The following AHNAK variants were observed in gnomAD, a reference collection of about 807,000 sequenced individuals.
AHNAK encodes AHNAK nucleoprotein.
Under a neutral mutation model 37.8 loss-of-function variants are expected in AHNAK, and 23 were observed. The ratio of observed to expected loss-of-function variants is 0.61; its 90% CI spans 0.44 to 0.86. The LOEUF is 0.86. Among genes scored for constraint, AHNAK ranks in the 40% least tolerant of loss-of-function variants. The pLI is 0.00. For missense variants in AHNAK, 7,411 were observed against 7,319.4 expected (o/e 1.01, Z -0.46); for synonymous variants, 2,481 against 2,636.3 (o/e 0.94, Z 1.80).
rs1940361332 is a variant in AHNAK, at chr11:62,523,694, G to T, written c.10723C>A (p.Pro3575Thr). ...TTAGGGCCTTTGATATCAACCTCTGGCCCTTTCAGATCCCCTTCAAGTTTG... is the reference window on the plus strand; with the variant it reads ...TTAGGGCCTTTGATATCAACCTCTGTCCCTTTCAGATCCCCTTCAAGTTTG... ...LPKLEGDLKG[P>T]EVDIKGPKVD... The change falls in exon 5 of 5, where the codon CCA becomes ACA. Residue 3575 changes from proline (P) to threonine (T), a missense_variant. By Grantham distance (38) the Pro-to-Thr change is conservative. Transcript: ENST00000378024. 3.7e-6 allele frequency: 6 copies of T among 1,613,578 alleles called. No individual in the cohort carries two copies. In the South Asian group the frequency reaches 4.4e-5, roughly 12 times the overall value.
intron 1 of AHNAK, among the ~76,000 whole-genome samples, chr11:62,541,307 G>A (rs1941115967): frequency 6.6e-6 from 1 of 152,216 alleles, no homozygotes; most frequent in Non-Finnish European, 1.5e-5. Context: ...CCCATCCGTG[G>A]TAGGGAGGGT....
chr11:62,438,010 C>T (rs1201426187), intron 5 of AHNAK, among the ~76,000 whole-genome samples: 1 of 152,032 alleles, frequency 6.6e-6, no homozygotes, highest in Non-Finnish European at 1.5e-5. Context: ...GATCCTCCCA[C>T]CTCAGTCTCC....
chr11:62,453,282 G>A (rs1347927667), intron 5 of AHNAK, among the ~76,000 whole-genome samples: 5 of 151,550 alleles, frequency 3.3e-5, no homozygotes, highest in African/African-American at 7.3e-5. Flanking sequence ...TGCCTAACTC[G>A]TCATCAGCTT....
At chr11:62,486,374 GA>G (rs1367412628) in intron 5 of AHNAK, among the ~76,000 whole-genome samples, 5 of 152,148 alleles carry the variant, frequency 3.3e-5, no homozygotes, top group African/African-American at 1.2e-4. Flanking sequence ...TTGGGAGGCT[GA>G]GGCAGGAGAA....
chr11:62,527,322 T>C lies in AHNAK; in HGVS notation c.7095A>G (p.Pro2365=). 6.2e-7 allele frequency: 1 copy of C among 1,613,832 alleles called. No homozygotes were observed. Among genetic ancestry groups the C allele is most frequent in the East Asian group, 2.2e-5 (1 of 44,882 alleles). ...ADMPEVAVEG[P]NGKWKTPKFK... is the part of the protein sequence containing the mutation. ...ACTTAGGAGTTTTCCACTTGCCATT[T>C]GGGCCTTCCACAGCTACTTCTGGCA... Residue 2365 remains proline, a synonymous_variant, in exon 5 of 5, where the codon CCA becomes CCG. Coordinates refer to ENST00000378024, the MANE Select transcript of AHNAK (RefSeq NM_001620.3).
rs753436216 is a variant in AHNAK at position 62,530,357 on chromosome 11, C to T, written c.4060G>A (p.Val1354Met). The T allele has an allele frequency of 6.2e-7, 1 of 1,614,048 alleles. No individual in the cohort carries two copies. Among genetic ancestry groups the T allele is most frequent in the Non-Finnish European group, 8.5e-7 (1 of 1,180,006 alleles). Residue 1354 changes from valine (V) to methionine (M), a missense_variant, in exon 5 of 5, where the codon GTG becomes ATG. Physicochemically the swap from Val to Met is conservative, Grantham distance 21 (BLOSUM62 1). Coordinates refer to ENST00000378024, the MANE Select transcript of AHNAK (RefSeq NM_001620.3). ...GGCCCTTTAATGTCAACATCTGGCA[C>T]TTTCATTTCACCTTCTACCTCAGGC... is the stretch of plus-strand genomic sequence containing the variant. Reference protein sequence around the residue: ...SLPEVEGEMKVPDVDIKGPKV... With the variant: ...SLPEVEGEMKMPDVDIKGPKV...
intron 4 of AHNAK, among the ~76,000 whole-genome samples, chr11:62,496,896 A>G (rs73500235): frequency 6.9e-5 from 8 of 115,628 alleles, no homozygotes; most frequent in African/African-American, 5.7e-4. Context: ...AAGGAAGGAA[A>G]GAAAGAAAGA....
intron 1 of AHNAK, among the ~76,000 whole-genome samples, chr11:62,542,275 G>C (rs938172202): frequency 6.6e-6 from 1 of 151,974 alleles, no homozygotes; most frequent in African/African-American, 2.4e-5. Flanking sequence ...CCCTATGCCT[G>C]TTTACCTGGC....
chr11:62,478,159 C>A (rs1258593373), intron 5 of AHNAK, among the ~76,000 whole-genome samples: 2 of 152,172 alleles, frequency 1.3e-5, no homozygotes, highest in Non-Finnish European at 2.9e-5. Flanking sequence ...TTAGAATGGC[C>A]TCTCACCACC....
At chr11:62,506,269 T>C (rs1565217281) in intron 4 of AHNAK, among the ~76,000 whole-genome samples, 3 of 151,654 alleles carry the variant, frequency 2.0e-5, no homozygotes, top group Admixed American at 6.6e-5. Context: ...GCCAGTGGTC[T>C]GAGCTTGAGG....
Position 62,520,906 on chromosome 11 carries a change from C to T in AHNAK, c.13511G>A (p.Gly4504Asp). 6.2e-7 allele frequency: 1 copy of T among 1,614,154 alleles called. No homozygotes were observed. Among genetic ancestry groups the T allele is most frequent in the South Asian group, 1.1e-5 (1 of 91,080 alleles). The change falls in exon 5 of 5, where the codon GGT becomes GAT. Residue 4504 changes from glycine (G) to aspartate (D), a missense_variant. By Grantham distance (94) the Gly-to-Asp change is moderately conservative. Coordinates refer to ENST00000378024, the MANE Select transcript of AHNAK (RefSeq NM_001620.3). ...DIEGPEGKLK[G>D]PKFKMPDVHF... Reference sequence around the variant, plus strand: ...TACATCAGGCATCTTAAACTTGGGACCTTTGAGCTTCCCTTCAGGACCTTC... The same window carrying T: ...TACATCAGGCATCTTAAACTTGGGATCTTTGAGCTTCCCTTCAGGACCTTC...
chr11:62,527,473 G>C lies in AHNAK; in HGVS notation c.6944C>G (p.Pro2315Arg), dbSNP rs1200597506. 1.2e-6 allele frequency: 2 copies of C among 1,614,172 alleles called. No homozygotes were observed. Among genetic ancestry groups the C allele is most frequent in the Non-Finnish European group, 1.7e-6 (2 of 1,180,032 alleles). Residue 2315 changes from proline to arginine, a missense_variant, in exon 5 of 5, where the codon CCT (proline) becomes CGT (arginine). Transcript: ENST00000378024. ...MHFKTPKISM[P>R]DVDFNLKGPK... The stretch of plus-strand genomic sequence containing the variant: ...TCCCTTTAAATTGAAATCAACATCA[G>C]GCATGGAGATCTTGGGGGTCTTGAA...
rs1321334381 is a variant in AHNAK at position 62,524,323 on chromosome 11, T to C, written c.10094A>G (p.Gln3365Arg). Reference protein sequence around the residue: ...PKFNFSGSKVQTPEVDVKGKK... With the variant: ...PKFNFSGSKVRTPEVDVKGKK... Reference sequence around the variant, plus strand: ...ACCTTTGACATCCACTTCAGGTGTCTGAACTTTAGAGCCCGAAAAATTAAA... The same window carrying C: ...ACCTTTGACATCCACTTCAGGTGTCCGAACTTTAGAGCCCGAAAAATTAAA... The change falls in exon 5 of 5, where the codon CAG becomes CGG. Residue 3365 changes from glutamine to arginine, a missense_variant. Gln to Arg is a conservative substitution (Grantham distance 43, BLOSUM62 1). Transcript: ENST00000378024. The C allele has an allele frequency of 1.9e-6, 3 of 1,613,802 alleles. No individual in the cohort carries two copies. The highest frequency in any genetic ancestry group is 2.5e-6 in the Non-Finnish European group (3 of 1,179,946).
Position 62,524,500 on chromosome 11 carries a change from T to G in AHNAK, c.9917A>C (p.Lys3306Thr). ...AGAGACATCAACATCTCCCTTAAGC[T>G]TTGAGCCTTTCAAATTCAAGTCAAT... ...PEIDLNLKGS[K>T]LKGDVDVSGP... The change falls in exon 5 of 5, where the codon AAG becomes ACG. Residue 3306 changes from lysine (K) to threonine (T), a missense_variant. Transcript: ENST00000378024. 1 of 1,614,150 alleles carries G rather than the reference T, an allele frequency of 6.2e-7. No individual in the cohort carries two copies. Among genetic ancestry groups the G allele is most frequent in the Non-Finnish European group, 8.5e-7 (1 of 1,180,022 alleles).
chr11:62,521,325 T>G lies in AHNAK; in HGVS notation c.13092A>C (p.Pro4364=), dbSNP rs750313929. The change falls in exon 5 of 5, where the codon CCA becomes CCC. Residue 4364 remains proline, a synonymous_variant. Transcript: ENST00000378024. ...ACTTTGGACCCTTGAGTTTTGCATC[T>G]GGACCTTCGATACTGACATCAGGGG... is the stretch of plus-strand genomic sequence containing the variant. ...IDAPDVSIEG[P]DAKLKGPKFK... 1 of 1,613,728 alleles carries G rather than the reference T, an allele frequency of 6.2e-7. No individual in the cohort carries two copies. The highest frequency in any genetic ancestry group is 1.3e-5 in the African/African-American group (1 of 74,902).
In AHNAK at chr11:62,517,358, CT is replaced by C. The variant is rs1325408977; in HGVS notation, c.17058del (p.Ala5687GlnfsTer21). The C allele has an allele frequency of 5.6e-6, 9 of 1,614,218 alleles. No homozygotes were observed. Among genetic ancestry groups the C allele is most frequent in the Non-Finnish European group, 7.6e-6 (9 of 1,180,040 alleles). On this transcript the variant is annotated frameshift_variant, in exon 5 of 5. Coordinates refer to ENST00000378024, the MANE Select transcript of AHNAK (RefSeq NM_001620.3). LOFTEE classifies it high-confidence loss of function. The part of the protein sequence containing the change: ...REMGVDVHFP[K>X]AEASIQAGAG... The stretch of plus-strand genomic sequence containing the variant: ...GCACCAGCTTGGATGCTGGCCTCTG[CT>C]TTAGGGAAGTGAACATCCACCCCCA...
Position 62,521,422 on chromosome 11 carries a change from T to A in AHNAK, c.12995A>T (p.Glu4332Val). The A allele has an allele frequency of 6.2e-7, 1 of 1,613,916 alleles. No homozygotes were observed. The highest frequency in any genetic ancestry group is 1.3e-5 in the African/African-American group (1 of 74,936). The change falls in exon 5 of 5, where the codon GAG (glutamate) becomes GTG (valine). Residue 4332 changes from glutamate to valine, a missense_variant. Coordinates refer to ENST00000378024, the MANE Select transcript of AHNAK (RefSeq NM_001620.3). ...AAGGGTAACATCCACATCTGGGCCCTCTCCTTTGAATCCTGGCATGCTGAA... is the reference window on the plus strand; with the variant it reads ...AAGGGTAACATCCACATCTGGGCCCACTCCTTTGAATCCTGGCATGCTGAA... The part of the protein sequence containing the change: ...PKFSMPGFKG[E>V]GPDVDVTLPK...
At position 62,532,623 on chromosome 11, in the gene AHNAK, G is replaced by A. The variant is rs1940798591; in HGVS notation, c.1794C>T (p.Val598=). 2.5e-6 allele frequency: 4 copies of A among 1,613,986 alleles called. No individual in the cohort carries two copies. The highest frequency in any genetic ancestry group is 1.6e-4 in the Middle Eastern group (1 of 6,084). The stretch of plus-strand genomic sequence containing the variant: ...CTCTGACATCAACTTCAGGGACTTT[G>A]ACTTTCCCTTCTACTCTGGGGAGTG... ...DVTLPRVEGK[V]KVPEVDVRGP... The change falls in exon 5 of 5, where the codon GTC becomes GTT. Residue 598 remains valine, a synonymous_variant. Coordinates refer to ENST00000378024, the MANE Select transcript of AHNAK (RefSeq NM_001620.3).
chr11:62,492,852 G>T (rs370915611), intron 4 of AHNAK, among the ~76,000 whole-genome samples: 1 of 147,666 alleles, frequency 6.8e-6, no homozygotes, highest in African/African-American at 2.7e-5. Flanking sequence ...CACTCCAGCC[G>T]GGGCGACAGA....
Sources: allele counts gnomAD v4.1 joint callset (sites outside exome capture counted in the v4.1 genomes callset), GRCh38; gene constraint gnomAD v4.1.1; transcripts MANE v1.5; gene names NCBI Gene and HGNC (gene_info 2026-07-23, HGNC 2026-07-21).